The following ITPR2 variants were observed in gnomAD, a reference collection of about 807,000 sequenced individuals.
ITPR2 encodes the protein inositol 1,4,5-trisphosphate receptor type 2.
ITPR2 carries 207 observed loss-of-function variants against 317.1 expected under a neutral mutation model. The observed-to-expected ratio is 0.65, with a 90% CI of 0.58 to 0.73. The LOEUF is 0.73. ITPR2 is among the 30% of genes least tolerant of loss of function. The pLI is 0.00. For synonymous variants in ITPR2, 1,156 were observed against 1,149.1 expected, an observed-to-expected ratio of 1.01 and a Z score of -0.12; for missense variants, 2,613 against 3,284.0, an observed-to-expected ratio of 0.80 and a Z score of 4.99.
intron 54 of ITPR2, among the ~76,000 whole-genome samples, chr12:26,389,941 C>G (rs761538773): frequency 6.6e-6 from 1 of 152,148 alleles, no homozygotes; most frequent in African/African-American, 2.4e-5. Context: ...AGTATAAGAG[C>G]CACCTGGGCA....
At chr12:26,591,079 CA>C (rs34387951) in intron 32 of ITPR2, among the ~76,000 whole-genome samples, 6,229 of 42,944 alleles carry the variant, frequency 0.15, 36 homozygotes, top group Admixed American at 0.16. Context: ...GACTCCATCT[CA>C]AAAAAAAAAA....
chr12:26,760,431 T>G (rs1949610136), intron 2 of ITPR2, among the ~76,000 whole-genome samples: 1 of 152,116 alleles, frequency 6.6e-6, no homozygotes, highest in Non-Finnish European at 1.5e-5. Context: ...GAAATAGGTT[T>G]AAATAACCAC....
At chr12:26,424,591 T>TG (rs1296601728) in intron 49 of ITPR2, among the ~76,000 whole-genome samples, 2 of 134,638 alleles carry the variant, frequency 1.5e-5, no homozygotes, top group Non-Finnish European at 3.2e-5. Flanking sequence ...TTTGTGTTTT[T>TG]TTTTTTTTTT....
chr12:26,357,256 G>C (rs1416180811), intron 55 of ITPR2, among the ~76,000 whole-genome samples: 1 of 152,030 alleles, frequency 6.6e-6, no homozygotes, highest in Non-Finnish European at 1.5e-5. Context: ...AGGGAAGGAA[G>C]GATGCTGGAG....
chr12:26,745,837 T>C (rs934797557), intron 2 of ITPR2, among the ~76,000 whole-genome samples: 2 of 152,186 alleles, frequency 1.3e-5, no homozygotes, highest in Non-Finnish European at 2.9e-5. Flanking sequence ...ACTGGCATAA[T>C]AGATATTCAA....
chr12:26,634,645 G>A (rs148703433), intron 21 of ITPR2, among the ~76,000 whole-genome samples: 1,782 of 152,150 alleles, frequency 0.012, 31 homozygotes, highest in African/African-American at 0.038. Flanking sequence ...TAGCACTTTG[G>A]GAGGCCAAGG....
chr12:26,399,941 A>C (rs1311187612), intron 53 of ITPR2, among the ~76,000 whole-genome samples, 187 bp downstream of exon 53: 1 of 152,246 alleles, frequency 6.6e-6, no homozygotes, highest in Non-Finnish European at 1.5e-5. Flanking sequence ...CGAACACACA[A>C]AGAGTTGTAG....
Position 26,762,932 on chromosome 12 carries a change from T to C in ITPR2, c.163+27225A>G, listed in dbSNP as rs377082415. Reference sequence around the variant, plus strand: ...GAGAAGTTAGTGTAGAGTTTTTGTATGCAGTTGAAGTCACACTGCTATCAG... The same window carrying C: ...GAGAAGTTAGTGTAGAGTTTTTGTACGCAGTTGAAGTCACACTGCTATCAG... On this transcript the variant is annotated intron_variant, in intron 2 of 56. Transcript: ENST00000381340. Among the ~76,000 whole-genome samples, 5 of 152,278 alleles carry C rather than the reference T, an allele frequency of 3.3e-5. No individual in the cohort carries two copies. In the East Asian group the frequency reaches 7.7e-4, roughly 23 times the overall value.
At chr12:26,508,873 T>G (rs1943257118) in intron 37 of ITPR2, among the ~76,000 whole-genome samples, 1 of 152,128 alleles carries the variant, frequency 6.6e-6, no homozygotes. Flanking sequence ...TACCATACAT[T>G]CCGGCAATTC....
intron 34 of ITPR2, among the ~76,000 whole-genome samples, chr12:26,573,491 TAAAC>T (rs912118260): frequency 6.6e-6 from 1 of 151,846 alleles, no homozygotes; most frequent in Non-Finnish European, 1.5e-5. Context: ...AAGCAATAAA[TAAAC>T]AAACAAGCTG....
intron 37 of ITPR2, chr12:26,495,504 GGCA>G: frequency 2.5e-6 from 1 of 398,704 alleles, no homozygotes; most frequent in Non-Finnish European, 4.6e-6. Flanking sequence ...ACAGGTTTAT[GGCA>G]GATATTGTGG....
chr12:26,599,470 G>A (rs1945938815), intron 29 of ITPR2, 125 bp from the exon 30 acceptor site: 2 of 819,588 alleles, frequency 2.4e-6, no homozygotes, highest in African/African-American at 3.4e-5. Context: ...TGAATTTTCT[G>A]TGCATGTCTT....
intron 46 of ITPR2, among the ~76,000 whole-genome samples, chr12:26,441,365 G>A (rs1361123961): frequency 6.6e-6 from 1 of 152,124 alleles, no homozygotes; most frequent in African/African-American, 2.4e-5. Context: ...AACATGAATT[G>A]TTGTGGTTAT....
chr12:26,443,913 C>T (rs989675233), intron 45 of ITPR2, among the ~76,000 whole-genome samples: 4 of 152,108 alleles, frequency 2.6e-5, no homozygotes, highest in Non-Finnish European at 5.9e-5. Flanking sequence ...CCCAGTGATA[C>T]ATAATTGACA....
intron 52 of ITPR2, among the ~76,000 whole-genome samples, chr12:26,404,694 C>T (rs1327384457): frequency 6.6e-6 from 1 of 151,818 alleles, no homozygotes; most frequent in Non-Finnish European, 1.5e-5. Flanking sequence ...ATAAGAAAAC[C>T]CAGAGGAAGG....
At chr12:26,470,511 TA>T (rs1345789871) in intron 45 of ITPR2, among the ~76,000 whole-genome samples, 1 of 152,214 alleles carries the variant, frequency 6.6e-6, no homozygotes, top group East Asian at 1.9e-4. Context: ...TACTTTCTAG[TA>T]ATTCACAGAA....
chr12:26,830,903 C>T (rs998850949), intron 1 of ITPR2, among the ~76,000 whole-genome samples: 9 of 152,216 alleles, frequency 5.9e-5, no homozygotes, highest in Admixed American at 2.0e-4. Flanking sequence ...CTCACCACAA[C>T]CCTATGAGGT....
rs530334719 is a variant in ITPR2 at position 26,336,330 on chromosome 12, C to T, written c.*3067G>A. 1.1e-4 allele frequency among the ~76,000 whole-genome samples: 16 copies of T among 152,268 alleles called. No homozygotes were observed. In the East Asian group the frequency reaches 2.5e-3, roughly 24 times the overall value. ...TGTAAAATAAAGAGAGCAGCCAAAA[C>T]AGGGAGTTATGAGCTGAGAATATGG... On this transcript the variant is annotated 3_prime_UTR_variant, in exon 57 of 57. Transcript: ENST00000381340.
At chr12:26,676,308 A>G (rs1947905815) in intron 13 of ITPR2, among the ~76,000 whole-genome samples, 1 of 151,830 alleles carries the variant, frequency 6.6e-6, no homozygotes, top group Admixed American at 6.6e-5. Flanking sequence ...GAAACCCTGT[A>G]TCTACTAAAA....
Sources: gnomAD v4.1 joint callset for allele counts (sites outside exome capture counted in the v4.1 genomes callset) on GRCh38, gnomAD v4.1.1 for gene constraint, MANE v1.5 for transcripts, NCBI Gene and HGNC (gene_info 2026-07-23, HGNC 2026-07-21) for gene names.